FN3K: variants seen among roughly 807,000 people sequenced by gnomAD.
FN3K encodes the protein fructosamine 3 kinase, also known as fructosamine-3-kinase.
A neutral mutation model predicts 24.8 loss-of-function variants in FN3K; 24 were observed. The observed-to-expected ratio is 0.97, with a 90% confidence interval of 0.70 to 1.36. The LOEUF (loss-of-function observed/expected upper bound fraction) is 1.36, where lower values mean the gene tolerates loss of function less well. Among genes scored for constraint, FN3K ranks in the 40% most tolerant of loss-of-function variants. The pLI, the probability that FN3K is intolerant of heterozygous loss-of-function variation, is 0.00. For synonymous variants in FN3K, 192 were observed against 175.2 expected, an observed-to-expected ratio of 1.10 and a Z score of -0.76; for missense variants, 449 against 416.7, an observed-to-expected ratio of 1.08 and a Z score of -0.67.
chr17:82,743,538 C>T (rs1008795089), intron 4 of FN3K, among the ~76,000 whole-genome samples: 5 of 152,076 alleles, frequency 3.3e-5, no homozygotes, highest in East Asian at 1.9e-4. Context: ...CAGTGCTGAG[C>T]GGCGGGCTCC....
intron 4 of FN3K, among the ~76,000 whole-genome samples, chr17:82,744,724 C>CTCACCCACA (rs2046958770): frequency 6.6e-6 from 1 of 152,168 alleles, no homozygotes; most frequent in Admixed American, 6.5e-5. Flanking sequence ...GTGGGTGTTT[C>CTCACCCACA]TCCGAGAGGG....
rs778030260 is a variant in FN3K, at chr17:82,748,914, G to A, written c.528G>A (p.Gln176=). The A allele has an allele frequency of 1.2e-6, 2 of 1,614,102 alleles. No individual in the cohort carries two copies. The highest frequency in any genetic ancestry group is 1.1e-5 in the South Asian group (1 of 91,078). Residue 176 remains glutamine, a synonymous_variant, in exon 5 of 6, where the codon CAG becomes CAA. Coordinates refer to ENST00000300784, the MANE Select transcript of FN3K (RefSeq NM_022158.4). The stretch of plus-strand genomic sequence containing the variant: ...TCGCCCGGCACCGGCTCCAGGCGCA[G>A]CTGGACCTCATTGAGAAGGACTATG... ...TFFARHRLQA[Q]LDLIEKDYAD... is the part of the protein sequence containing the mutation.
rs1189956529 is a variant in FN3K at position 82,743,572 on chromosome 17, C to CTCAGACA, written c.468+2179_468+2180insTCAGACA. ...CCTCAGACACCTGGGCACTAAGGCCCCCTGGGGCTGCCAGCTGGGTCGGCT... is the reference window on the plus strand; with the variant it reads ...CCTCAGACACCTGGGCACTAAGGCCCTCAGACACCTGGGGCTGCCAGCTGGGTCGGCT... On this transcript the variant is annotated intron_variant, in intron 4 of 5. Transcript: ENST00000300784. 1.8e-4 allele frequency among the ~76,000 whole-genome samples: 27 copies of CTCAGACA among 152,274 alleles called. No homozygotes were observed. The East Asian group carries it at 4.6e-3, about 26-fold the overall frequency.
chr17:82,749,132 C>G (rs2046986128), intron 5 of FN3K, 155 bp downstream of exon 5: 2 of 1,184,540 alleles, frequency 1.7e-6, no homozygotes, highest in South Asian at 2.6e-5. Flanking sequence ...GGGGTTCCCC[C>G]AAAAGGGAGT....
rs779553741 is a variant in FN3K at position 82,750,586 on chromosome 17, G to C, written c.761G>C (p.Gly254Ala). ...FELAIALMFG[G>A]FPRSFFTAYH... ...CTGGCAATCGCCTTGATGTTTGGGG[G>C]GTTCCCCAGATCCTTCTTCACCGCC... Residue 254 changes from glycine (G) to alanine (A), a missense_variant, in exon 6 of 6, where the codon GGG (glycine) becomes GCG (alanine). Gly to Ala is a moderately conservative substitution (Grantham distance 60). Transcript: ENST00000300784. 282 of 1,613,994 alleles carry C rather than the reference G, an allele frequency of 1.7e-4. 1 individual carries two copies. Among genetic ancestry groups the C allele is most frequent in the Non-Finnish European group, 2.3e-4 (272 of 1,180,026 alleles).
intron 1 of FN3K, among the ~76,000 whole-genome samples, chr17:82,736,772 G>C (rs1487646737): frequency 6.6e-6 from 1 of 152,180 alleles, no homozygotes; most frequent in Non-Finnish European, 1.5e-5. Context: ...CGGATCCTCC[G>C]GCATCACCTG....
At chr17:82,750,335 G>A (rs2047000107) in intron 5 of FN3K, 82 bp from the exon 6 acceptor site, 1 of 1,273,498 alleles carries the variant, frequency 7.9e-7, no homozygotes, top group Admixed American at 1.8e-5. Flanking sequence ...ATCGCGAGTG[G>A]GCTTTGCCTT....
intron 2 of FN3K, among the ~76,000 whole-genome samples, chr17:82,738,947 T>TATATATATATACGTGTATA (rs1491164859): frequency 1.5e-5 from 1 of 65,282 alleles, no homozygotes; most frequent in Non-Finnish European, 3.1e-5. Context: ...TATATATATA[T>TATATATATATACGTGTATA]TTTTTTTTTT....
chr17:82,743,665 A>C (rs577461156), intron 4 of FN3K, among the ~76,000 whole-genome samples: 1 of 152,208 alleles, frequency 6.6e-6, no homozygotes, highest in Non-Finnish European at 1.5e-5. Flanking sequence ...CACTGAACTC[A>C]ACTCACCCAC....
chr17:82,740,658 G>A, intron 2 of FN3K, 105 bp from the exon 3 acceptor site: 1 of 777,792 alleles, frequency 1.3e-6, no homozygotes, highest in Admixed American at 2.1e-5. Flanking sequence ...TTTGAAGAAT[G>A]GAGAATAGTT....
intron 1 of FN3K, 78 bp downstream of exon 1, chr17:82,735,855 A>T: frequency 1.3e-6 from 2 of 1,494,018 alleles, no homozygotes; most frequent in Admixed American, 2.0e-5. Context: ...GGGCAGGCGC[A>T]TTTCCTGGGG....
intron 5 of FN3K, 111 bp from the exon 6 acceptor site, chr17:82,750,304 TGG>T: frequency 1.1e-6 from 1 of 937,420 alleles, no homozygotes; most frequent in Non-Finnish European, 1.7e-6. Flanking sequence ...CAGGCAGTGC[TGG>T]GGCTGGACAC....
chr17:82,746,107 A>AC (rs1293258074), intron 4 of FN3K, among the ~76,000 whole-genome samples: 3 of 151,444 alleles, frequency 2.0e-5, no homozygotes, highest in Non-Finnish European at 4.4e-5. Context: ...AAAAAAAAAA[A>AC]AAAAACTACC....
chr17:82,735,963 CGT>C, intron 1 of FN3K, 186 bp downstream of exon 1: 1 of 733,014 alleles, frequency 1.4e-6, no homozygotes, highest in Non-Finnish European at 2.2e-6. Flanking sequence ...CTGCACGATC[CGT>C]GACCTTCCTT....
chr17:82,735,905 G>T, intron 1 of FN3K, 128 bp downstream of exon 1: 1 of 1,257,086 alleles, frequency 8.0e-7, no homozygotes. Flanking sequence ...CTTGGGAGGT[G>T]GCACCTGCTG....
At chr17:82,748,370 C>T (rs1568070847) in intron 4 of FN3K, among the ~76,000 whole-genome samples, 2 of 152,104 alleles carry the variant, frequency 1.3e-5, no homozygotes, top group Non-Finnish European at 2.9e-5. Context: ...TGGTCTTTAA[C>T]TCCTGGGCTC....
intron 4 of FN3K, among the ~76,000 whole-genome samples, chr17:82,742,187 G>A (rs1174278527): frequency 2.6e-5 from 4 of 152,108 alleles, no homozygotes; most frequent in African/African-American, 7.2e-5. Context: ...TTACAGGCAC[G>A]AGCCACCGCG....
chr17:82,738,773 G>C (rs1014133253), intron 2 of FN3K, 133 bp downstream of exon 2: 6 of 1,146,832 alleles, frequency 5.2e-6, no homozygotes, highest in African/African-American at 1.5e-5. Flanking sequence ...TGGCTGAGCC[G>C]TCCACACAAC....
chr17:82,741,029 G>A (rs1460438206), intron 3 of FN3K, 175 bp downstream of exon 3: 7 of 674,718 alleles, frequency 1.0e-5, no homozygotes, highest in Admixed American at 2.3e-5. Flanking sequence ...TAGCTGATAA[G>A]CTAGTAGAAT....
Sources: gnomAD v4.1 joint callset for allele counts (sites outside exome capture counted in the v4.1 genomes callset) on GRCh38, gnomAD v4.1.1 for gene constraint, MANE v1.5 for transcripts, NCBI Gene and HGNC (gene_info 2026-07-23, HGNC 2026-07-21) for gene names.